Variants in OTULINL observed in about 807,000 individuals in gnomAD.
OTULINL encodes the protein inactive ubiquitin thioesterase OTULINL.
Under a neutral mutation model 43.9 loss-of-function variants are expected in OTULINL, and 42 were observed. That is an observed-to-expected ratio of 0.96 (90% CI 0.75 to 1.24). The LOEUF is 1.24. Ranked by LOEUF, OTULINL falls within the 50% of genes most tolerant of loss-of-function variation. The pLI, the probability that OTULINL is intolerant of heterozygous loss-of-function variation, is 0.00. For missense variants in OTULINL, 411 were observed against 426.4 expected (o/e 0.96, Z 0.32); for synonymous variants, 172 against 153.6 (o/e 1.12, Z -0.88).
At chr5:14,606,398 G>T (rs899773402) in intron 5 of OTULINL, among the ~76,000 whole-genome samples, 4 of 152,154 alleles carry the variant, frequency 2.6e-5, no homozygotes, top group African/African-American at 9.7e-5. Context: ...CATATTAAGT[G>T]AGACCTTGTC....
intron 1 of OTULINL, among the ~76,000 whole-genome samples, chr5:14,587,784 T>C (rs978235386): frequency 6.6e-6 from 1 of 152,154 alleles, no homozygotes; most frequent in African/African-American, 2.4e-5. Context: ...ACTTGCAGAG[T>C]CTGTGCTTGG....
chr5:14,593,248 T>C (rs933726288), intron 1 of OTULINL, among the ~76,000 whole-genome samples: 1 of 152,216 alleles, frequency 6.6e-6, no homozygotes, highest in Non-Finnish European at 1.5e-5. Context: ...TGGAGCGAGT[T>C]GCCAGCCGAG....
At chr5:14,609,621 A>T (rs1313133069) in intron 7 of OTULINL, among the ~76,000 whole-genome samples, 3 of 102,212 alleles carry the variant, frequency 2.9e-5, no homozygotes, top group African/African-American at 1.1e-4. Context: ...TTTTCCTGTG[A>T]TTTTTTTTTT....
At chr5:14,582,839 A>G (rs1043637953) in intron 1 of OTULINL, among the ~76,000 whole-genome samples, 27 of 141,146 alleles carry the variant, frequency 1.9e-4, no homozygotes, top group Non-Finnish European at 3.8e-4. Flanking sequence ...AAAAAAAAAA[A>G]TCACCCGACA....
At chr5:14,606,330 G>C (rs1381045415) in intron 5 of OTULINL, among the ~76,000 whole-genome samples, 3 of 152,060 alleles carry the variant, frequency 2.0e-5, no homozygotes, top group African/African-American at 7.2e-5. Flanking sequence ...CTCCCACCAG[G>C]TCCCTCCCAC....
intron 1 of OTULINL, among the ~76,000 whole-genome samples, chr5:14,592,192 C>T (rs1161194703): frequency 6.6e-6 from 1 of 152,120 alleles, no homozygotes; most frequent in Middle Eastern, 3.2e-3. Flanking sequence ...TGTGTTTGAC[C>T]TGGGGTCTCA....
intron 7 of OTULINL, 51 bp downstream of exon 7, chr5:14,609,068 T>G: frequency 6.4e-7 from 1 of 1,564,514 alleles, no homozygotes; most frequent in Non-Finnish European, 8.7e-7. Flanking sequence ...GCTGTGGCAC[T>G]ATTTGAACAC....
At chr5:14,604,654 G>GGT (rs1759442671) in intron 5 of OTULINL, among the ~76,000 whole-genome samples, 1 of 152,186 alleles carries the variant, frequency 6.6e-6, no homozygotes, top group Non-Finnish European at 1.5e-5. Flanking sequence ...GGGGATACTG[G>GGT]GTAAATACAG....
At chr5:14,601,887 C>T (rs184792661) in intron 4 of OTULINL, among the ~76,000 whole-genome samples, 4 of 152,318 alleles carry the variant, frequency 2.6e-5, no homozygotes, top group Admixed American at 2.0e-4. Flanking sequence ...GGAGGGAGTA[C>T]ATATAAAGTA....
rs146976874 is a variant in OTULINL, at chr5:14,602,597, A to C, written c.498+265A>C. Among the ~76,000 whole-genome samples, 73 of 152,090 alleles carry C rather than the reference A, an allele frequency of 4.8e-4. No individual in the cohort carries two copies. The East Asian group carries it at 0.012, about 25-fold the overall frequency. ...ACCACAGGTGCATGCCACCACGCCC[A>C]TGTAATTTCTGTATTTTTTTGTAGA... On this transcript the variant is annotated intron_variant, in intron 5 of 7. Coordinates refer to ENST00000274217, the MANE Select transcript of OTULINL (RefSeq NM_019018.3).
At chr5:14,594,128 C>T (rs1018376755) in intron 1 of OTULINL, among the ~76,000 whole-genome samples, 3 of 152,108 alleles carry the variant, frequency 2.0e-5, no homozygotes, top group South Asian at 2.1e-4. Flanking sequence ...ATATCTCCCC[C>T]GTAACTGGTA....
rs887267561 is a variant in OTULINL at position 14,612,978 on chromosome 5, A to G, written c.*2664A>G. Among the ~76,000 whole-genome samples the G allele has an allele frequency of 2.6e-5, 4 of 152,082 alleles. No homozygotes were observed. Among genetic ancestry groups the G allele is most frequent in the Non-Finnish European group, 4.4e-5 (3 of 68,020 alleles). On this transcript the variant is annotated 3_prime_UTR_variant, in exon 8 of 8. Coordinates refer to ENST00000274217, the MANE Select transcript of OTULINL (RefSeq NM_019018.3). The stretch of plus-strand genomic sequence containing the variant: ...ACTCTTTTTGCTCAGGCTGCAGTGC[A>G]GTGGCACAATCTCGGCTCACTGCAA...
At chr5:14,607,230 G>GAAA in intron 5 of OTULINL, 100 bp from the exon 6 acceptor site, 3 of 1,079,296 alleles carry the variant, frequency 2.8e-6, no homozygotes, top group African/African-American at 1.7e-5. Flanking sequence ...ATTCCATCTC[G>GAAA]AAAAAAAAAA....
Position 14,610,216 on chromosome 5 carries a change from G to A in OTULINL, c.973G>A (p.Asp325Asn), listed in dbSNP as rs1234191456. The change falls in exon 8 of 8, where the codon GAC (aspartate) becomes AAC (asparagine). Residue 325 changes from aspartate to asparagine, a missense_variant. Transcript: ENST00000274217. Reference protein sequence around the residue: ...VFRLFKFNSRDFEVCYPEEPL... With the variant: ...VFRLFKFNSRNFEVCYPEEPL... The stretch of plus-strand genomic sequence containing the variant: ...CAGACTGTTCAAGTTTAACTCCAGA[G>A]ACTTTGAAGTCTGCTACCCAGAGGA... 1.2e-6 allele frequency: 2 copies of A among 1,613,950 alleles called. No individual in the cohort carries two copies. Among genetic ancestry groups the A allele is most frequent in the South Asian group, 1.1e-5 (1 of 91,076 alleles).
In OTULINL at chr5:14,601,355, C is replaced by T. The variant is rs1486711090; in HGVS notation, c.261C>T (p.Asn87=). The T allele has an allele frequency of 1.2e-6, 2 of 1,613,804 alleles. No individual in the cohort carries two copies. Among genetic ancestry groups the T allele is most frequent in the Admixed American group, 3.3e-5 (2 of 59,968 alleles). ...IGYLQRKFKR[N]LSVEAEVDLL... The stretch of plus-strand genomic sequence containing the variant: ...TTTATTTTTTATTTGGTCCAGGGAA[C>T]CTCAGTGTGGAGGCAGAGGTTGATT... Residue 87 remains asparagine (N), a synonymous_variant, in exon 4 of 8, where the codon AAC becomes AAT. Transcript: ENST00000274217.
At chr5:14,592,368 C>T (rs1057365909) in intron 1 of OTULINL, among the ~76,000 whole-genome samples, 5 of 152,170 alleles carry the variant, frequency 3.3e-5, no homozygotes, top group Admixed American at 6.5e-5. Flanking sequence ...GAGAATTACT[C>T]AGGGGAAGGC....
At chr5:14,603,003 C>T (rs1759415688) in intron 5 of OTULINL, among the ~76,000 whole-genome samples, 1 of 152,206 alleles carries the variant, frequency 6.6e-6, no homozygotes, top group African/African-American at 2.4e-5. Context: ...CCTACCCCAG[C>T]CCCTGAAAAC....
intron 5 of OTULINL, among the ~76,000 whole-genome samples, chr5:14,606,212 G>C (rs1759473366): frequency 6.6e-6 from 1 of 152,168 alleles, no homozygotes; most frequent in Admixed American, 6.5e-5. Flanking sequence ...CAAAAAGAGA[G>C]AGCCTGTGCA....
Position 14,610,252 on chromosome 5 carries a change from G to T in OTULINL, c.1009G>T (p.Asp337Tyr), listed in dbSNP as rs746186562. 7 of 1,613,746 alleles carry T rather than the reference G, an allele frequency of 4.3e-6. No homozygotes were observed. In the African/African-American group the frequency reaches 9.3e-5, roughly 22 times the overall value. ...EVCYPEEPLR[D>Y]WPEISLLTEN... ...CTGCTACCCAGAGGAGCCTCTCAGG[G>T]ACTGGCCGGAGATCTCCCTGCTGAC... The change falls in exon 8 of 8, where the codon GAC becomes TAC. Residue 337 changes from aspartate (D) to tyrosine (Y), a missense_variant. Asp to Tyr is a radical substitution (Grantham distance 160, BLOSUM62 -3). Coordinates refer to ENST00000274217, the MANE Select transcript of OTULINL (RefSeq NM_019018.3).
Sources: gnomAD v4.1 joint callset for allele counts (sites outside exome capture counted in the v4.1 genomes callset) on GRCh38, gnomAD v4.1.1 for gene constraint, MANE v1.5 for transcripts, NCBI Gene and HGNC (gene_info 2026-07-23, HGNC 2026-07-21) for gene names.